The following EEPD1 variants were observed in gnomAD, a reference collection of about 807,000 sequenced individuals.
EEPD1 encodes endonuclease/exonuclease/phosphatase family domain containing 1, also known as endonuclease/exonuclease/phosphatase family domain-containing protein 1.
EEPD1 carries 17 observed loss-of-function variants against 46.3 expected under a neutral mutation model. The observed-to-expected ratio is 0.37, with a 90% CI of 0.25 to 0.55. The LOEUF (loss-of-function observed/expected upper bound fraction) is 0.55. EEPD1 is among the 20% of genes least tolerant of loss of function. The pLI is 0.83. For missense variants in EEPD1, 673 were observed against 745.6 expected (o/e 0.90, Z 1.13); for synonymous variants, 313 against 315.6 (o/e 0.99, Z 0.09).
chr7:36,263,519 C>A (rs1460780867), intron 3 of EEPD1, among the ~76,000 whole-genome samples: 1 of 152,196 alleles, frequency 6.6e-6, no homozygotes, highest in East Asian at 1.9e-4. Context: ...TGTGGAGTCA[C>A]AGAGCAGAGC....
chr7:36,265,919 T>C (rs1456710874), intron 3 of EEPD1, among the ~76,000 whole-genome samples: 1 of 152,222 alleles, frequency 6.6e-6, no homozygotes, highest in African/African-American at 2.4e-5. Context: ...GTAACAGGCA[T>C]GGCTGGCATT....
At chr7:36,195,382 T>C (rs1785560469) in intron 2 of EEPD1, among the ~76,000 whole-genome samples, 1 of 152,170 alleles carries the variant, frequency 6.6e-6, no homozygotes, top group Admixed American at 6.5e-5. Context: ...TGCCTGCCTC[T>C]CTCCATGGTA....
intron 2 of EEPD1, among the ~76,000 whole-genome samples, chr7:36,238,261 C>T (rs1786492443): frequency 1.3e-5 from 2 of 152,168 alleles, no homozygotes; most frequent in Admixed American, 1.3e-4. Flanking sequence ...CTCTTTACCA[C>T]ACCCTCTTTT....
intron 2 of EEPD1, among the ~76,000 whole-genome samples, chr7:36,204,810 G>C (rs1785783218): frequency 6.7e-6 from 1 of 149,636 alleles, no homozygotes; most frequent in South Asian, 2.1e-4. Context: ...GTTTTTGTTT[G>C]TTTGTTTGTT....
intron 3 of EEPD1, among the ~76,000 whole-genome samples, chr7:36,250,373 T>A (rs7799511): frequency 0.47 from 71,362 of 152,014 alleles, 17,017 homozygotes; most frequent in Non-Finnish European, 0.51. Flanking sequence ...GGGATGGAGG[T>A]GCACAAGGCT....
Position 36,244,767 on chromosome 7 carries a change from ATTTT to A in EEPD1, c.930+5750_930+5753del, listed in dbSNP as rs140539379. 5.9e-3 allele frequency among the ~76,000 whole-genome samples: 636 copies of A among 108,364 alleles called. 4 individuals are homozygous for A. Among genetic ancestry groups the A allele is most frequent in the African/African-American group, 0.02 (575 of 28,542 alleles). 71.1% of individuals were successfully genotyped at this position (108,364 alleles called of 152,430 possible). A position where few individuals can be genotyped will look rare whatever the true frequency, so the allele number is the denominator to read the frequency against. On this transcript the variant is annotated intron_variant, in intron 3 of 7. Transcript: ENST00000242108. ...ACCTGGGCTTCATTTTTCAGAGTTGATTTTTTTTTTTTTTTTTTTTTTGGAGACG... is the reference window on the plus strand; with the variant it reads ...ACCTGGGCTTCATTTTTCAGAGTTGATTTTTTTTTTTTTTTTTTGGAGACG...
At chr7:36,169,863 C>T (rs151210711) in intron 2 of EEPD1, among the ~76,000 whole-genome samples, 107 of 152,330 alleles carry the variant, frequency 7.0e-4, no homozygotes, top group Non-Finnish European at 1.3e-3. Context: ...CTCTGGTTTT[C>T]ACACTGAAGT....
intron 2 of EEPD1, among the ~76,000 whole-genome samples, chr7:36,166,556 A>G (rs763426749): frequency 3.3e-5 from 4 of 123,012 alleles, no homozygotes; most frequent in South Asian, 2.4e-4. Context: ...CCCCTTCTCT[A>G]CAAACAAACA....
intron 2 of EEPD1, among the ~76,000 whole-genome samples, chr7:36,214,739 A>G (rs1175369729): frequency 2.0e-5 from 3 of 152,196 alleles, no homozygotes; most frequent in Non-Finnish European, 4.4e-5. Flanking sequence ...AGTTGTTGCA[A>G]CCTAACTAGC....
At chr7:36,205,165 G>C (rs1406070169) in intron 2 of EEPD1, among the ~76,000 whole-genome samples, 2 of 152,126 alleles carry the variant, frequency 1.3e-5, no homozygotes, top group Non-Finnish European at 2.9e-5. Flanking sequence ...ACAGGGAGGG[G>C]GGTCACCAGG....
In EEPD1 at chr7:36,285,631, C is replaced by T. The variant is rs190448383; in HGVS notation, c.1176+811C>T. On this transcript the variant is annotated intron_variant, in intron 5 of 7. Coordinates refer to ENST00000242108, the MANE Select transcript of EEPD1 (RefSeq NM_030636.3). ...TGAGCCTTATCCCCGTGGTCCTTGA[C>T]CATGAGCTCACAGGCCAGGCAAGCA... 4.7e-3 allele frequency among the ~76,000 whole-genome samples: 717 copies of T among 152,310 alleles called. 5 individuals are homozygous for T. Among genetic ancestry groups the T allele is most frequent in the Non-Finnish European group, 7.7e-3 (524 of 68,012 alleles).
At position 36,155,074 on chromosome 7, in the gene EEPD1, C is replaced by G; in HGVS notation, c.750C>G (p.Ala250=). The G allele has an allele frequency of 1.3e-6, 2 of 1,591,064 alleles. No homozygotes were observed. Among genetic ancestry groups the G allele is most frequent in the African/African-American group, 1.3e-5 (1 of 74,668 alleles). The change falls in exon 2 of 8, where the codon GCC becomes GCG. Residue 250 remains alanine, a synonymous_variant. Coordinates refer to ENST00000242108, the MANE Select transcript of EEPD1 (RefSeq NM_030636.3). ...QIISTRPSVE[A]FGGTRDGRPV... Reference sequence around the variant, plus strand: ...TCTCCACTCGGCCGTCCGTGGAGGCCTTTGGAGGCACAAGGGATGGGAGGC... The same window carrying G: ...TCTCCACTCGGCCGTCCGTGGAGGCGTTTGGAGGCACAAGGGATGGGAGGC...
chr7:36,220,810 G>GT (rs1364356017), intron 2 of EEPD1, among the ~76,000 whole-genome samples: 1 of 151,988 alleles, frequency 6.6e-6, no homozygotes, highest in Non-Finnish European at 1.5e-5. Flanking sequence ...GTTTTGTTTT[G>GT]TTTTTTTGAG....
rs990910905 is a variant in EEPD1 at position 36,185,326 on chromosome 7, G to A, written c.878+30124G>A. Among the ~76,000 whole-genome samples, 10 of 152,344 alleles carry A rather than the reference G, an allele frequency of 6.6e-5. 1 individual carries two copies. In the South Asian group the frequency reaches 2.1e-3, roughly 32 times the overall value. On this transcript the variant is annotated intron_variant, in intron 2 of 7. Transcript: ENST00000242108. Reference sequence around the variant, plus strand: ...CCCCTGCCTGCTGTTGCATGTAACTGTAATTTACTCAGTTTCACCATGGTA... The same window carrying A: ...CCCCTGCCTGCTGTTGCATGTAACTATAATTTACTCAGTTTCACCATGGTA...
intron 2 of EEPD1, among the ~76,000 whole-genome samples, chr7:36,212,233 G>A (rs1785948384): frequency 6.6e-6 from 1 of 152,126 alleles, no homozygotes; most frequent in African/African-American, 2.4e-5. Flanking sequence ...AAGTAACCCA[G>A]TGGGGACTGT....
In EEPD1 at chr7:36,217,455, C is replaced by T. The variant is rs145872156; in HGVS notation, c.879-21530C>T. On this transcript the variant is annotated intron_variant, in intron 2 of 7. Transcript: ENST00000242108. ...CCATCTTGGTTTTGGTAGGGTTGGG[C>T]CAGCTTCTTTACTGCAGCCTCTTTT... Among the ~76,000 whole-genome samples the T allele has an allele frequency of 3.6e-3, 541 of 152,278 alleles. 4 individuals carry two copies. The highest frequency in any genetic ancestry group is 0.012 in the African/African-American group (508 of 41,550).
chr7:36,260,434 A>G (rs551070446), intron 3 of EEPD1, among the ~76,000 whole-genome samples: 1 of 152,262 alleles, frequency 6.6e-6, no homozygotes, highest in East Asian at 1.9e-4. Context: ...GCAATGAGTG[A>G]TTTTTGAAAG....
chr7:36,159,824 A>G (rs141922530), intron 2 of EEPD1, among the ~76,000 whole-genome samples: 1 of 152,340 alleles, frequency 6.6e-6, no homozygotes, highest in Non-Finnish European at 1.5e-5. Flanking sequence ...TCCTCCACCC[A>G]GCCCCTCAAG....
At chr7:36,271,269 G>A (rs893380346) in intron 3 of EEPD1, among the ~76,000 whole-genome samples, 13 of 152,028 alleles carry the variant, frequency 8.6e-5, no homozygotes, top group African/African-American at 3.1e-4. Flanking sequence ...CACCACGCCT[G>A]GCCTATTTCC....
Sources: allele counts gnomAD v4.1 joint callset (sites outside exome capture counted in the v4.1 genomes callset), GRCh38; gene constraint gnomAD v4.1.1; transcripts MANE v1.5; gene names NCBI Gene and HGNC (gene_info 2026-07-23, HGNC 2026-07-21).